The following KIRREL3 variants were observed in gnomAD, a reference collection of about 807,000 sequenced individuals.
The protein encoded by KIRREL3 is kin of IRRE-like protein 3.
KIRREL3 carries 36 observed loss-of-function variants against 89.7 expected under a neutral mutation model. The ratio of observed to expected loss-of-function variants is 0.40; its 90% CI spans 0.31 to 0.53. The LOEUF is 0.53. KIRREL3 is among the 20% of genes least tolerant of loss of function. The probability of loss-of-function intolerance (pLI) is 0.49; values close to 1 mark genes in which losing one functional copy is unlikely to be tolerated. For missense variants in KIRREL3, 864 were observed against 1,056.6 expected (o/e 0.82, Z 2.53); for synonymous variants, 445 against 441.4 (o/e 1.01, Z -0.10).
At position 126,501,405 on chromosome 11, in the gene KIRREL3, T is replaced by A. The variant is rs1287250857; in HGVS notation, c.433+19910A>T. On this transcript the variant is annotated intron_variant, in intron 4 of 16. Transcript: ENST00000525144. The surrounding 1 kb of genome is among the most constrained non-coding windows in gnomAD (Gnocchi z 5.8). Reference sequence around the variant, plus strand: ...GGGCCTGGGGTGCAGTCTTAGAGACTAAGGAGGCTCCTCTGGGGAGCGAGG... The same window carrying A: ...GGGCCTGGGGTGCAGTCTTAGAGACAAAGGAGGCTCCTCTGGGGAGCGAGG... Among the ~76,000 whole-genome samples, 1 of 152,136 alleles carries A rather than the reference T, an allele frequency of 6.6e-6. No individual in the cohort carries two copies. Among genetic ancestry groups the A allele is most frequent in the Non-Finnish European group, 1.5e-5 (1 of 68,024 alleles).
At chr11:126,467,175 C>T (rs191261294) in intron 5 of KIRREL3, among the ~76,000 whole-genome samples, 1 of 152,344 alleles carries the variant, frequency 6.6e-6, no homozygotes, top group African/African-American at 2.4e-5. Context: ...CACTGACTGC[C>T]GTGACTCTGC....
intron 1 of KIRREL3, among the ~76,000 whole-genome samples, chr11:126,922,266 C>T (rs914181032): frequency 6.6e-6 from 1 of 152,078 alleles, no homozygotes; most frequent in African/African-American, 2.4e-5. Context: ...CTGGCCCCTC[C>T]ATGCTGCCTC....
intron 1 of KIRREL3, among the ~76,000 whole-genome samples, chr11:126,678,223 C>T (rs1485650046): frequency 6.6e-6 from 1 of 152,152 alleles, no homozygotes; most frequent in African/African-American, 2.4e-5. Flanking sequence ...CATCTTCTCC[C>T]TTGCTATACA....
intron 5 of KIRREL3, among the ~76,000 whole-genome samples, chr11:126,472,992 A>C (rs867186525): frequency 2.9e-5 from 1 of 34,084 alleles, no homozygotes; most frequent in East Asian, 8.8e-4. Context: ...TCTCTACCTA[A>C]CCCCCAGCCC....
intron 1 of KIRREL3, among the ~76,000 whole-genome samples, chr11:126,756,184 G>A (rs1946085): frequency 0.87 from 132,197 of 152,246 alleles, 57,676 homozygotes; most frequent in East Asian, 1. Flanking sequence ...AGAAATGTTC[G>A]AATTAACAAT....
At chr11:126,481,790 G>A (rs532397441) in intron 4 of KIRREL3, among the ~76,000 whole-genome samples, 1 of 152,298 alleles carries the variant, frequency 6.6e-6, no homozygotes, top group South Asian at 2.1e-4. Context: ...GACTGTTACA[G>A]AAGTCTGAAT....
intron 5 of KIRREL3, among the ~76,000 whole-genome samples, chr11:126,469,112 T>C (rs950888951): frequency 6.6e-6 from 1 of 152,204 alleles, no homozygotes; most frequent in Non-Finnish European, 1.5e-5. Context: ...GCTGCTGTCG[T>C]TCCCATTGTA....
At chr11:126,902,831 T>C (rs1256494953) in intron 1 of KIRREL3, among the ~76,000 whole-genome samples, 1 of 151,576 alleles carries the variant, frequency 6.6e-6, no homozygotes, top group African/African-American at 2.5e-5. Flanking sequence ...TTCCTCCTAC[T>C]TGTGTTTTAA....
Position 126,427,822 on chromosome 11 carries a change from C to G in KIRREL3, c.1806+1357G>C, listed in dbSNP as rs1006574586. Among the ~76,000 whole-genome samples, 1 of 152,164 alleles carries G rather than the reference C, an allele frequency of 6.6e-6. No individual in the cohort carries two copies. The highest frequency in any genetic ancestry group is 1.5e-5 in the Non-Finnish European group (1 of 68,042). The stretch of plus-strand genomic sequence containing the variant: ...AGAAAAGAGACAAAAGACTACAAGG[C>G]TGAGACCAACTGGGAGGCTGCTGTA... On this transcript the variant is annotated intron_variant, in intron 15 of 16. Coordinates refer to ENST00000525144, the MANE Select transcript of KIRREL3 (RefSeq NM_032531.4). This position sits in a 1 kb window ranked among gnomAD's most constrained non-coding sequence, Gnocchi z 5.3.
intron 1 of KIRREL3, among the ~76,000 whole-genome samples, chr11:126,911,121 AG>A (rs1296645925): frequency 6.6e-6 from 1 of 152,186 alleles, no homozygotes; most frequent in Non-Finnish European, 1.5e-5. Flanking sequence ...CCAAGGTTCA[AG>A]GGATGACACA....
rs566415627 is a variant in KIRREL3, at chr11:126,622,584, G to T, written c.56-59672C>A. 2.0e-5 allele frequency among the ~76,000 whole-genome samples: 3 copies of T among 152,298 alleles called. No individual in the cohort carries two copies. Among genetic ancestry groups the T allele is most frequent in the Non-Finnish European group, 2.9e-5 (2 of 68,026 alleles). ...TGTGCCTGTAATCCCAGCTACTCAG[G>T]AGGCTGAGGCAGAAGAATCACTTGA... is the stretch of plus-strand genomic sequence containing the variant. On this transcript the variant is annotated intron_variant, in intron 1 of 16. Transcript: ENST00000525144. The surrounding 1 kb of genome is among the most constrained non-coding windows in gnomAD (Gnocchi z 5.2).
chr11:126,560,569 G>C (rs1193321282), intron 2 of KIRREL3, among the ~76,000 whole-genome samples: 1 of 152,192 alleles, frequency 6.6e-6, no homozygotes, highest in Non-Finnish European at 1.5e-5. Context: ...TTTTTGGAAT[G>C]TAGTGAGGAG....
At chr11:126,449,740 C>T (rs1414588844) in intron 7 of KIRREL3, among the ~76,000 whole-genome samples, 5 of 152,228 alleles carry the variant, frequency 3.3e-5, no homozygotes, top group African/African-American at 9.6e-5. Flanking sequence ...GGAGGAGTGG[C>T]GTGAGCGAGT....
At chr11:126,444,762 A>T (rs1248140499) in intron 10 of KIRREL3, among the ~76,000 whole-genome samples, 1 of 152,138 alleles carries the variant, frequency 6.6e-6, no homozygotes, top group Non-Finnish European at 1.5e-5. Flanking sequence ...TAACAAACAA[A>T]AAGAGAGGTG....
rs1950845208 is a variant in KIRREL3 at position 126,797,359 on chromosome 11, G to T, written c.55+203096C>A. ...CATCTGATTCTCAGCGTAATATCTG[G>T]CACAGAGAAGCACTGGATGCTGATA... On this transcript the variant is annotated intron_variant, in intron 1 of 16. Coordinates refer to ENST00000525144, the MANE Select transcript of KIRREL3 (RefSeq NM_032531.4). The surrounding 1 kb of genome is among the most constrained non-coding windows in gnomAD (Gnocchi z 4.9). Among the ~76,000 whole-genome samples, 1 of 152,168 alleles carries T rather than the reference G, an allele frequency of 6.6e-6. No homozygotes were observed. The highest frequency in any genetic ancestry group is 1.5e-5 in the Non-Finnish European group (1 of 68,036).
intron 1 of KIRREL3, among the ~76,000 whole-genome samples, chr11:126,711,301 T>C (rs1947745064): frequency 1.3e-5 from 2 of 152,242 alleles, no homozygotes; most frequent in Admixed American, 1.3e-4. Context: ...TATATAAGCC[T>C]GTAATCCCAG....
intron 2 of KIRREL3, among the ~76,000 whole-genome samples, chr11:126,536,003 T>A (rs1015731635): frequency 2.0e-5 from 3 of 151,640 alleles, no homozygotes; most frequent in Admixed American, 1.3e-4. Flanking sequence ...AGATTTTGGT[T>A]GAATGAATTT....
chr11:126,995,439 A>T lies in KIRREL3; in HGVS notation c.55+5016T>A. On this transcript the variant is annotated intron_variant, in intron 1 of 16. Transcript: ENST00000525144. This position sits in a 1 kb window ranked among gnomAD's most constrained non-coding sequence, Gnocchi z 6.5. ...TCTCTGTTTCTTGATGGACCCCAAT[A>T]AAAAAACGCCTGCACTGTTTTTCAC... 2 of 408,014 alleles carry T rather than the reference A, an allele frequency of 4.9e-6. No homozygotes were observed. Among genetic ancestry groups the T allele is most frequent in the Non-Finnish European group, 9.7e-6 (2 of 206,150 alleles). 25.3% of individuals were successfully genotyped at this position (408,014 alleles called of 1,614,324 possible).
At chr11:126,850,197 A>G (rs565319750) in intron 1 of KIRREL3, among the ~76,000 whole-genome samples, 2 of 152,290 alleles carry the variant, frequency 1.3e-5, no homozygotes, top group South Asian at 4.2e-4. Flanking sequence ...TGGAATTTCC[A>G]AAGATATTTC....
Sources: gnomAD v4.1 joint callset for allele counts (sites outside exome capture counted in the v4.1 genomes callset) on GRCh38, gnomAD v4.1.1 for gene constraint, Gnocchi (gnomAD v3.1) non-coding constraint, MANE v1.5 for transcripts, NCBI Gene and HGNC (gene_info 2026-07-23, HGNC 2026-07-21) for gene names.